DCBLD1: variants seen among roughly 807,000 people sequenced by gnomAD.
DCBLD1 encodes discoidin, CUB and LCCL domain-containing protein 1.
A neutral mutation model predicts 71.5 loss-of-function variants in DCBLD1; 57 were observed. That is an observed-to-expected ratio of 0.80 (90% CI 0.64 to 0.99). The LOEUF is 0.99. Ranked by LOEUF, DCBLD1 falls within the 50% of genes least tolerant of loss-of-function variation. The pLI is 0.00. For synonymous variants in DCBLD1, 380 were observed against 363.8 expected, an observed-to-expected ratio of 1.04 and a Z score of -0.51; for missense variants, 891 against 923.5, an observed-to-expected ratio of 0.96 and a Z score of 0.46.
intron 6 of DCBLD1, among the ~76,000 whole-genome samples, chr6:117,533,493 T>C (rs1778791246): frequency 6.6e-6 from 1 of 152,212 alleles, no homozygotes; most frequent in Non-Finnish European, 1.5e-5. Context: ...TTGATAATTG[T>C]TTAGTAGTAT....
intron 2 of DCBLD1, among the ~76,000 whole-genome samples, chr6:117,515,457 T>A (rs566555849): frequency 2.6e-4 from 39 of 152,316 alleles, no homozygotes; most frequent in African/African-American, 9.1e-4. Context: ...TCTAACTTAT[T>A]AAAAGCAACA....
chr6:117,567,029 T>C (rs892598691), intron 14 of DCBLD1: 1 of 1,575,364 alleles, frequency 6.3e-7, no homozygotes, highest in South Asian at 1.2e-5. Flanking sequence ...ATTCAATCTC[T>C]CCTCTCTAAA....
intron 14 of DCBLD1, chr6:117,561,542 G>A (rs994124113): frequency 9.4e-6 from 2 of 213,748 alleles, no homozygotes; most frequent in East Asian, 7.0e-5. Context: ...ATGCATGGAA[G>A]GTATGTGTTT....
Position 117,549,777 on chromosome 6 carries a change from A to C in DCBLD1, c.*1338A>C. 1.0e-6 allele frequency: 1 copy of C among 985,392 alleles called. No individual in the cohort carries two copies. Among genetic ancestry groups the C allele is most frequent in the East Asian group, 1.1e-4 (1 of 8,814 alleles). The allele number at this position is 985,392 out of a possible 1,614,324, so 61.0% of individuals were successfully genotyped here. The stretch of plus-strand genomic sequence containing the variant: ...ATGGTTTTATGCGCACACTAATTGT[A>C]ATAAACTATGCCAAACCAAACTGCC... On this transcript the variant is annotated 3_prime_UTR_variant, in exon 15 of 15. Coordinates refer to ENST00000338728, the MANE Select transcript of DCBLD1 (RefSeq NM_001366458.2).
chr6:117,564,214 G>A (rs942218250), intron 14 of DCBLD1, among the ~76,000 whole-genome samples: 5 of 152,146 alleles, frequency 3.3e-5, no homozygotes, highest in Admixed American at 2.6e-4. Flanking sequence ...GGCCTCAAGC[G>A]ATCCTCCTGC....
intron 14 of DCBLD1, among the ~76,000 whole-genome samples, chr6:117,558,372 T>A (rs997696399): frequency 9.2e-5 from 14 of 152,306 alleles, no homozygotes; most frequent in Admixed American, 9.1e-4. Flanking sequence ...TTCTCCCACA[T>A]TTTTCAAATG....
rs192826050 is a variant in DCBLD1, at chr6:117,518,307, G to A, written c.326-1509G>A. On this transcript the variant is annotated intron_variant, in intron 2 of 14. Transcript: ENST00000338728. ...TTCATTTCCATCTGAGACCACCTCA[G>A]CGTGGACATTATTGTCCATATCGCT... 1.2e-4 allele frequency among the ~76,000 whole-genome samples: 19 copies of A among 152,262 alleles called. No individual in the cohort carries two copies. In the East Asian group the frequency reaches 3.3e-3, roughly 26 times the overall value.
At chr6:117,503,565 G>A in intron 1 of DCBLD1, 1 of 584,764 alleles carries the variant, frequency 1.7e-6, no homozygotes, top group Admixed American at 3.2e-5. Flanking sequence ...TCAACAAGAA[G>A]ATAAAACTGG....
At chr6:117,508,533 T>G (rs1777912083) in intron 2 of DCBLD1, among the ~76,000 whole-genome samples, 1 of 152,230 alleles carries the variant, frequency 6.6e-6, no homozygotes, top group African/African-American at 2.4e-5. Flanking sequence ...CTAAAGATAC[T>G]ACTCTTAACT....
intron 14 of DCBLD1, among the ~76,000 whole-genome samples, chr6:117,569,062 C>T (rs1303302333): frequency 1.3e-5 from 2 of 152,174 alleles, no homozygotes; most frequent in Non-Finnish European, 2.9e-5. Context: ...ATTTGCTTGG[C>T]AACTTTGAGT....
chr6:117,544,480 C>A, intron 12 of DCBLD1, 48 bp from the exon 13 acceptor site: 1 of 1,590,774 alleles, frequency 6.3e-7, no homozygotes. Flanking sequence ...GAGAGAGAGG[C>A]AGATACATTG....
intron 7 of DCBLD1, among the ~76,000 whole-genome samples, chr6:117,537,446 A>T (rs1778923360): frequency 6.6e-6 from 1 of 151,446 alleles, no homozygotes; most frequent in Admixed American, 6.6e-5. Context: ...AGGCAGGAGA[A>T]TGGCGTGAAC....
downstream of DCBLD1, among the ~76,000 whole-genome samples, chr6:117,553,897 C>G (rs35844760): frequency 6.6e-6 from 1 of 152,084 alleles, no homozygotes; most frequent in African/African-American, 2.4e-5. Context: ...CAAATTCTGC[C>G]TTAGTTGTGA....
intron 2 of DCBLD1, among the ~76,000 whole-genome samples, chr6:117,509,392 C>T (rs1301880659): frequency 1.3e-5 from 2 of 152,152 alleles, no homozygotes; most frequent in Non-Finnish European, 2.9e-5. Context: ...TGTCGTGCCA[C>T]AACACTCCAA....
At chr6:117,552,516 CA>C (rs1231919801), downstream of DCBLD1, among the ~76,000 whole-genome samples, 1 of 152,150 alleles carries the variant, frequency 6.6e-6, no homozygotes, top group Non-Finnish European at 1.5e-5. Context: ...CACCACCATT[CA>C]AAGCTCTCCC....
At chr6:117,527,740 T>C (rs756989907) in intron 5 of DCBLD1, among the ~76,000 whole-genome samples, 4 of 152,064 alleles carry the variant, frequency 2.6e-5, no homozygotes, top group African/African-American at 4.8e-5. Flanking sequence ...ATAGACTGTC[T>C]TTGTGTGGGA....
intron 1 of DCBLD1, among the ~76,000 whole-genome samples, chr6:117,486,659 C>T (rs894292999): frequency 6.6e-6 from 1 of 152,204 alleles, no homozygotes; most frequent in Non-Finnish European, 1.5e-5. Context: ...AAAGCTTGCT[C>T]CTCCTTCAGT....
At chr6:117,513,232 C>G (rs1293280367) in intron 2 of DCBLD1, among the ~76,000 whole-genome samples, 4 of 152,172 alleles carry the variant, frequency 2.6e-5, no homozygotes, top group Non-Finnish European at 5.9e-5. Flanking sequence ...TTTATTCACA[C>G]ATGGAAAGAT....
intron 2 of DCBLD1, among the ~76,000 whole-genome samples, chr6:117,508,484 T>G (rs895519549): frequency 6.6e-6 from 1 of 152,172 alleles, no homozygotes; most frequent in Non-Finnish European, 1.5e-5. Flanking sequence ...AATGTTGTAT[T>G]TATTTATAAC....
Sources: allele counts gnomAD v4.1 joint callset (sites outside exome capture counted in the v4.1 genomes callset), GRCh38; gene constraint gnomAD v4.1.1; transcripts MANE v1.5; gene names NCBI Gene and HGNC (gene_info 2026-07-23, HGNC 2026-07-21).